The following GSTCD variants were observed in gnomAD, a reference collection of about 807,000 sequenced individuals.
GSTCD encodes glutathione S-transferase C-terminal domain containing.
In GSTCD, 44 loss-of-function variants were observed where a neutral mutation model predicts 68.3. The observed-to-expected ratio is 0.64, with a 90% CI of 0.51 to 0.83. The LOEUF is 0.83. Among genes scored for constraint, GSTCD ranks in the 40% least tolerant of loss-of-function variants. The pLI is 0.00. For missense variants in GSTCD, 739 were observed against 735.9 expected, an observed-to-expected ratio of 1.00 and a Z score of -0.05; for synonymous variants, 273 against 255.2, an observed-to-expected ratio of 1.07 and a Z score of -0.67.
intron 7 of GSTCD, among the ~76,000 whole-genome samples, chr4:105,824,809 CAT>C (rs1203091441): frequency 6.6e-6 from 1 of 152,174 alleles, no homozygotes; most frequent in East Asian, 1.9e-4. Flanking sequence ...CCATGACACA[CAT>C]TGTGCCCTGG....
At position 105,713,383 on chromosome 4, in the gene GSTCD, A is replaced by G. The variant is rs1029312846; in HGVS notation, c.-21-4210A>G. ...AACCCAGCCTTTGGAATGGAAGTTTATATCAAGGATTACTGAAACCAGCAT... is the reference window on the plus strand; with the variant it reads ...AACCCAGCCTTTGGAATGGAAGTTTGTATCAAGGATTACTGAAACCAGCAT... On this transcript the variant is annotated intron_variant, in intron 1 of 11. Transcript: ENST00000515279. Among the ~76,000 whole-genome samples, 49 of 152,338 alleles carry G rather than the reference A, an allele frequency of 3.2e-4. 1 individual carries two copies. The highest frequency in any genetic ancestry group is 3.2e-3 in the Admixed American group (49 of 15,306).
intron 5 of GSTCD, among the ~76,000 whole-genome samples, chr4:105,812,279 G>A (rs1348825233): frequency 6.6e-6 from 1 of 152,176 alleles, no homozygotes; most frequent in Non-Finnish European, 1.5e-5. Flanking sequence ...CATCAGGATT[G>A]CTGTGATTAC....
At chr4:105,836,876 T>G (rs1190139963) in intron 9 of GSTCD, among the ~76,000 whole-genome samples, 1 of 152,234 alleles carries the variant, frequency 6.6e-6, no homozygotes, top group Admixed American at 6.5e-5. Context: ...AGTTGGGAAT[T>G]TATAAATAGC....
chr4:105,735,239 C>G (rs1733417522), intron 5 of GSTCD, among the ~76,000 whole-genome samples: 1 of 152,154 alleles, frequency 6.6e-6, no homozygotes, highest in Admixed American at 6.5e-5. Context: ...GCAGAGGTTT[C>G]TGCAGAGGGT....
At chr4:105,806,538 A>G (rs541835265) in intron 5 of GSTCD, among the ~76,000 whole-genome samples, 13 of 152,122 alleles carry the variant, frequency 8.5e-5, no homozygotes, top group Admixed American at 7.2e-4. Context: ...CCAAGTCTCT[A>G]TGTTTTTGCC....
At chr4:105,797,223 AT>A (rs543589817) in intron 5 of GSTCD, among the ~76,000 whole-genome samples, 4 of 150,566 alleles carry the variant, frequency 2.7e-5, no homozygotes, top group East Asian at 1.9e-4. Context: ...TTTTCTTGTT[AT>A]TTTTTTTTCT....
In GSTCD at chr4:105,717,939, T is replaced by G; in HGVS notation, c.326T>G (p.Leu109Trp). The G allele has an allele frequency of 6.2e-7, 1 of 1,614,048 alleles. No individual in the cohort carries two copies. ...TGTAGAGCAGGACTTGCTGTTGTATTGAGACACATAATCCAGAAATCCTAT... is the reference window on the plus strand; with the variant it reads ...TGTAGAGCAGGACTTGCTGTTGTATGGAGACACATAATCCAGAAATCCTAT... The part of the protein sequence containing the change: ...NFCRAGLAVV[L>W]RHIIQKSYEA... Residue 109 changes from leucine to tryptophan, a missense_variant, in exon 2 of 12, where the codon TTG becomes TGG. Physicochemically the swap from Leu to Trp is moderately conservative, Grantham distance 61. Transcript: ENST00000515279.
chr4:105,755,983 C>T (rs529850776), intron 5 of GSTCD, among the ~76,000 whole-genome samples: 4 of 152,216 alleles, frequency 2.6e-5, no homozygotes, highest in African/African-American at 9.7e-5. Context: ...CCATGACACC[C>T]TCCTAAGGTT....
intron 5 of GSTCD, among the ~76,000 whole-genome samples, chr4:105,733,172 G>A (rs976011442): frequency 2.0e-5 from 3 of 152,180 alleles, no homozygotes; most frequent in Non-Finnish European, 4.4e-5. Flanking sequence ...CTGTTGATTT[G>A]GGATGGAGAG....
chr4:105,724,021 A>G (rs1362630747), intron 3 of GSTCD, among the ~76,000 whole-genome samples: 2 of 151,832 alleles, frequency 1.3e-5, no homozygotes, highest in Non-Finnish European at 3.0e-5. Context: ...CTTAAAGTCC[A>G]CTTAAAATAC....
chr4:105,757,299 A>G (rs550412786), intron 5 of GSTCD, among the ~76,000 whole-genome samples: 1 of 152,310 alleles, frequency 6.6e-6, no homozygotes, highest in Non-Finnish European at 1.5e-5. Context: ...TTAATATATT[A>G]AGAATTTCCC....
chr4:105,794,855 C>T (rs184381191), intron 5 of GSTCD, among the ~76,000 whole-genome samples: 5 of 141,086 alleles, frequency 3.5e-5, no homozygotes, highest in Non-Finnish European at 6.2e-5. Flanking sequence ...ATCTATCTAT[C>T]TATCTATCTA....
intron 5 of GSTCD, among the ~76,000 whole-genome samples, chr4:105,807,592 T>C (rs888871210): frequency 2.6e-5 from 4 of 152,100 alleles, no homozygotes; most frequent in Non-Finnish European, 5.9e-5. Flanking sequence ...AATTTGGATT[T>C]ATCTATTTCC....
At chr4:105,839,644 AAAAG>A (rs1162780754) in intron 10 of GSTCD, among the ~76,000 whole-genome samples, 1 of 152,112 alleles carries the variant, frequency 6.6e-6, no homozygotes, top group East Asian at 1.9e-4. Flanking sequence ...CTGTCTCAAG[AAAAG>A]AGAGAGAGAG....
intron 5 of GSTCD, among the ~76,000 whole-genome samples, chr4:105,796,913 C>T (rs1051757344): frequency 8.5e-5 from 13 of 152,222 alleles, no homozygotes; most frequent in East Asian, 1.9e-4. Context: ...TATAGAGGAT[C>T]GGCTTCCAAG....
chr4:105,800,133 G>A lies in GSTCD; in HGVS notation c.1241-22821G>A, dbSNP rs567577649. Reference sequence around the variant, plus strand: ...TACCCGAGACTGGGCAATTTACAAAGGAAAGAGGTTTAATGGACTTGCAGT... The same window carrying A: ...TACCCGAGACTGGGCAATTTACAAAAGAAAGAGGTTTAATGGACTTGCAGT... On this transcript the variant is annotated intron_variant, in intron 5 of 11. Transcript: ENST00000515279. Among the ~76,000 whole-genome samples, 138 of 152,304 alleles carry A rather than the reference G, an allele frequency of 9.1e-4. 1 individual carries two copies. The highest frequency in any genetic ancestry group is 3.2e-3 in the African/African-American group (133 of 41,560).
At chr4:105,730,557 T>G (rs944658897) in intron 5 of GSTCD, among the ~76,000 whole-genome samples, 1 of 152,248 alleles carries the variant, frequency 6.6e-6, no homozygotes, top group African/African-American at 2.4e-5. Context: ...GAAGTGTCTG[T>G]TCATATCCTT....
At chr4:105,733,821 G>A (rs1733346916) in intron 5 of GSTCD, among the ~76,000 whole-genome samples, 1 of 152,188 alleles carries the variant, frequency 6.6e-6, no homozygotes, top group Non-Finnish European at 1.5e-5. Context: ...GCAGTGGCTG[G>A]TAGCGGTTTT....
At chr4:105,831,254 A>G (rs1035736759) in intron 8 of GSTCD, among the ~76,000 whole-genome samples, 17 of 152,200 alleles carry the variant, frequency 1.1e-4, no homozygotes, top group Non-Finnish European at 2.1e-4. Flanking sequence ...TCGAAAAGCA[A>G]CACCGGAGAG....
Sources: allele counts gnomAD v4.1 joint callset (sites outside exome capture counted in the v4.1 genomes callset), GRCh38; gene constraint gnomAD v4.1.1; transcripts MANE v1.5; gene names NCBI Gene and HGNC (gene_info 2026-07-23, HGNC 2026-07-21).